Variants in STXBP5L observed in about 807,000 individuals in gnomAD.
STXBP5L encodes the protein syntaxin-binding protein 5-like.
STXBP5L carries 65 observed loss-of-function variants against 144.5 expected under a neutral mutation model. The ratio of observed to expected loss-of-function variants is 0.45; its 90% CI spans 0.37 to 0.55. The LOEUF is 0.55. Among genes scored for constraint, STXBP5L ranks in the 20% least tolerant of loss-of-function variants. The pLI is 0.00. For synonymous variants in STXBP5L, 505 were observed against 469.6 expected, an observed-to-expected ratio of 1.08 and a Z score of -0.97; for missense variants, 1,298 against 1,405.5, an observed-to-expected ratio of 0.92 and a Z score of 1.22.
intron 3 of STXBP5L, among the ~76,000 whole-genome samples, chr3:121,007,119 C>T (rs1411466682): frequency 6.6e-6 from 1 of 152,004 alleles, no homozygotes; most frequent in East Asian, 1.9e-4. Flanking sequence ...TGGGGAAGTT[C>T]TCCAGCTTTT....
At chr3:120,976,100 G>T (rs1470420623) in intron 3 of STXBP5L, among the ~76,000 whole-genome samples, 1 of 152,130 alleles carries the variant, frequency 6.6e-6, no homozygotes, top group Non-Finnish European at 1.5e-5. Flanking sequence ...CTATTGATTG[G>T]AATAGTTTCA....
chr3:121,053,269 A>G (rs1213945849), intron 5 of STXBP5L, among the ~76,000 whole-genome samples: 1 of 152,032 alleles, frequency 6.6e-6, no homozygotes, highest in Non-Finnish European at 1.5e-5. Context: ...AGCCAAAAAA[A>G]TCCCCCATTG....
At chr3:120,974,721 A>C (rs947563745) in intron 3 of STXBP5L, among the ~76,000 whole-genome samples, 1 of 152,154 alleles carries the variant, frequency 6.6e-6, no homozygotes, top group African/African-American at 2.4e-5. Flanking sequence ...ATTTTTGTAT[A>C]AGGTGTAAGG....
chr3:121,194,789 T>C (rs1327740540), intron 9 of STXBP5L, among the ~76,000 whole-genome samples: 1 of 152,128 alleles, frequency 6.6e-6, no homozygotes, highest in Non-Finnish European at 1.5e-5. Flanking sequence ...GTTTTGATAG[T>C]TTGTGTTTTT....
chr3:121,081,750 A>G (rs939305697), intron 5 of STXBP5L, among the ~76,000 whole-genome samples: 2 of 152,216 alleles, frequency 1.3e-5, no homozygotes, highest in Non-Finnish European at 2.9e-5. Context: ...CATACTACCA[A>G]TGGTGGGCAG....
intron 5 of STXBP5L, among the ~76,000 whole-genome samples, chr3:121,070,479 T>C (rs951916614): frequency 2.6e-5 from 4 of 152,206 alleles, no homozygotes; most frequent in African/African-American, 9.6e-5. Flanking sequence ...TTTAGGAAGA[T>C]TTTAAAATTT....
rs560179438 is a variant in STXBP5L at position 121,004,705 on chromosome 3, C to G, written c.288-36995C>G. ...TGTGGGTTTGTCATAGATAGCTCTT[C>G]TTATTTTGAGATACGTCCCATGAAT... On this transcript the variant is annotated intron_variant, in intron 3 of 26. Transcript: ENST00000471454. 2.0e-5 allele frequency among the ~76,000 whole-genome samples: 3 copies of G among 152,064 alleles called. No individual in the cohort carries two copies. The East Asian group carries it at 5.8e-4, about 29-fold the overall frequency.
chr3:121,263,189 G>T (rs975215970), intron 18 of STXBP5L, among the ~76,000 whole-genome samples: 1 of 152,156 alleles, frequency 6.6e-6, no homozygotes, highest in Non-Finnish European at 1.5e-5. Context: ...TTCTGGAGTG[G>T]ACCACCCAGC....
intron 9 of STXBP5L, among the ~76,000 whole-genome samples, chr3:121,170,490 T>C (rs1483681564): frequency 6.6e-6 from 1 of 151,812 alleles, no homozygotes; most frequent in Non-Finnish European, 1.5e-5. Flanking sequence ...ATAGACACAA[T>C]AAAAAATGAT....
intron 16 of STXBP5L, among the ~76,000 whole-genome samples, chr3:121,255,512 C>A (rs1235396948): frequency 6.6e-6 from 1 of 151,638 alleles, no homozygotes; most frequent in African/African-American, 2.4e-5. Context: ...CCTATATATT[C>A]TTCTATATAT....
chr3:120,984,295 T>C (rs1350900067), intron 3 of STXBP5L, among the ~76,000 whole-genome samples: 1 of 152,188 alleles, frequency 6.6e-6, no homozygotes, highest in Non-Finnish European at 1.5e-5. Flanking sequence ...CTTCTCTTGA[T>C]TTTATGGACG....
intron 23 of STXBP5L, among the ~76,000 whole-genome samples, chr3:121,412,836 C>G (rs996642801): frequency 1.3e-5 from 2 of 151,070 alleles, no homozygotes; most frequent in African/African-American, 4.9e-5. Flanking sequence ...TATGGTGGCT[C>G]AAGCCTGGCC....
chr3:121,204,008 AACAGGTGG>A (rs1409337812), intron 9 of STXBP5L, among the ~76,000 whole-genome samples: 1 of 151,994 alleles, frequency 6.6e-6, no homozygotes, highest in African/African-American at 2.4e-5. Context: ...GGAGGCTGAG[AACAGGTGG>A]ATCACGAGGT....
At chr3:120,963,221 A>G (rs1288569459) in intron 3 of STXBP5L, among the ~76,000 whole-genome samples, 2 of 152,186 alleles carry the variant, frequency 1.3e-5, no homozygotes, top group Non-Finnish European at 2.9e-5. Flanking sequence ...TCATCTGCAA[A>G]CAGGGACAAT....
At position 121,269,510 on chromosome 3, in the gene STXBP5L, C is replaced by T. The variant is rs2050674545; in HGVS notation, c.1959-10295C>T. Among the ~76,000 whole-genome samples the T allele has an allele frequency of 2.0e-5, 3 of 152,156 alleles. No homozygotes were observed. In the South Asian group the frequency reaches 6.2e-4, roughly 32 times the overall value. On this transcript the variant is annotated intron_variant, in intron 18 of 26. Transcript: ENST00000471454. ...GATAGTTTATTAGTGACAGCAAAAG[C>T]AGCAGCTTAGTGCAAGATCTTGCAT...
chr3:120,924,065 TTCTA>T (rs1243235986), intron 2 of STXBP5L, among the ~76,000 whole-genome samples: 2 of 152,214 alleles, frequency 1.3e-5, no homozygotes, highest in African/African-American at 4.8e-5. Flanking sequence ...TCCCTATCTT[TTCTA>T]TCTTTCTCAA....
intron 7 of STXBP5L, among the ~76,000 whole-genome samples, chr3:121,139,823 A>G (rs569002934): frequency 1.1e-4 from 17 of 152,082 alleles, no homozygotes; most frequent in Non-Finnish European, 2.2e-4. Context: ...ACTTCAAAGT[A>G]TGTTGGACAA....
intron 9 of STXBP5L, among the ~76,000 whole-genome samples, chr3:121,199,404 A>T (rs925806382): frequency 6.6e-6 from 1 of 152,156 alleles, no homozygotes; most frequent in South Asian, 2.1e-4. Flanking sequence ...GGTTTTCTAA[A>T]TATACAATCT....
At chr3:120,915,201 C>A (rs1709047083) in intron 2 of STXBP5L, among the ~76,000 whole-genome samples, 1 of 152,008 alleles carries the variant, frequency 6.6e-6, no homozygotes, top group Non-Finnish European at 1.5e-5. Context: ...AACATAATTT[C>A]CAAGTATGTT....
Sources: allele counts gnomAD v4.1 joint callset (sites outside exome capture counted in the v4.1 genomes callset), GRCh38; gene constraint gnomAD v4.1.1; transcripts MANE v1.5; gene names NCBI Gene and HGNC (gene_info 2026-07-23, HGNC 2026-07-21).